QTMAN: variants seen among roughly 807,000 people sequenced by gnomAD.
QTMAN encodes tRNA-queuosine alpha-mannosyltransferase.
At chr2:144,217,137 T>C in the QTMAN span, among the ~76,000 whole-genome samples, 1 of 152,142 alleles carries the variant, frequency 6.6e-6, no homozygotes, top group Non-Finnish European at 1.5e-5. Context: ...CCTGACCCAT[T>C]CGGATACGAA....
At chr2:144,307,968 C>T in the QTMAN span, among the ~76,000 whole-genome samples, 2 of 151,756 alleles carry the variant, frequency 1.3e-5, no homozygotes, top group Non-Finnish European at 2.9e-5. Context: ...TAGAAATGTA[C>T]AAGCCGATTC....
chr2:144,323,579 T>C, the QTMAN span, among the ~76,000 whole-genome samples: 3 of 152,148 alleles, frequency 2.0e-5, no homozygotes, highest in African/African-American at 2.4e-5. Flanking sequence ...TTTTACCTCA[T>C]GGACACTCCT....
the QTMAN span, among the ~76,000 whole-genome samples, chr2:144,258,739 G>C: frequency 6.6e-6 from 1 of 151,980 alleles, no homozygotes. Context: ...ATCAAATTCA[G>C]CCAGCTAAGA....
chr2:144,270,124 T>C, the QTMAN span, among the ~76,000 whole-genome samples: 1 of 152,202 alleles, frequency 6.6e-6, no homozygotes, highest in Admixed American at 6.5e-5. Context: ...TATAGTAAAA[T>C]GTTGATTATC....
At chr2:144,086,040 C>T in the QTMAN span, among the ~76,000 whole-genome samples, 1 of 152,142 alleles carries the variant, frequency 6.6e-6, no homozygotes, top group Non-Finnish European at 1.5e-5. Context: ...CTGAGCATCA[C>T]ATACATTTAC....
chr2:144,174,603 C>T, the QTMAN span, among the ~76,000 whole-genome samples: 1 of 152,072 alleles, frequency 6.6e-6, no homozygotes, highest in Non-Finnish European at 1.5e-5. Context: ...TCCTATAATC[C>T]CCACGTGTTG....
At chr2:144,182,828 A>AATATATATATATTAT in the QTMAN span, among the ~76,000 whole-genome samples, 15 of 67,210 alleles carry the variant, frequency 2.2e-4, no homozygotes, top group Non-Finnish European at 3.9e-4. Flanking sequence ...TTATATATAT[A>AATATATATATATTAT]ATATATATAT....
chr2:144,055,390 TA>T, the QTMAN span, among the ~76,000 whole-genome samples: 1 of 149,444 alleles, frequency 6.7e-6, no homozygotes, highest in Admixed American at 6.7e-5. Flanking sequence ...TTTTACCTTC[TA>T]AAACGGATTC....
chr2:144,066,283 T>C, the QTMAN span, among the ~76,000 whole-genome samples: 1 of 152,164 alleles, frequency 6.6e-6, no homozygotes, highest in African/African-American at 2.4e-5. Context: ...TAGGATATCA[T>C]ATTGCTCAAT....
chr2:144,030,100 C>T, the QTMAN span, among the ~76,000 whole-genome samples: 25 of 152,170 alleles, frequency 1.6e-4, no homozygotes, highest in Admixed American at 3.3e-4. Context: ...ACACGGAAGA[C>T]AGTGTTTGGC....
chr2:144,256,492 T>C, the QTMAN span, among the ~76,000 whole-genome samples: 1 of 152,140 alleles, frequency 6.6e-6, no homozygotes, highest in African/African-American at 2.4e-5. Context: ...TAAAGACCTC[T>C]CAATATAAAA....
At chr2:144,097,118 T>C in the QTMAN span, among the ~76,000 whole-genome samples, 1 of 152,218 alleles carries the variant, frequency 6.6e-6, no homozygotes, top group East Asian at 1.9e-4. Context: ...TTTAGCCCTA[T>C]ACACACATAC....
At chr2:144,145,127 AAG>A in the QTMAN span, among the ~76,000 whole-genome samples, 1 of 151,042 alleles carries the variant, frequency 6.6e-6, no homozygotes. Flanking sequence ...AAAAAAAAAA[AAG>A]GCGGGGGAGA....
the QTMAN span, among the ~76,000 whole-genome samples, chr2:144,205,368 T>A: frequency 1.3e-5 from 2 of 152,086 alleles, no homozygotes; most frequent in Admixed American, 1.3e-4. Flanking sequence ...TAAGTAAAAT[T>A]TAAAATCAAA....
the QTMAN span, among the ~76,000 whole-genome samples, chr2:144,137,383 T>C: frequency 2.6e-3 from 397 of 152,250 alleles, 2 homozygotes; most frequent in South Asian, 0.018. Context: ...ATGTTTCTTT[T>C]TTTTTTAACT....
the QTMAN span, among the ~76,000 whole-genome samples, chr2:144,285,091 C>A: frequency 1.3e-5 from 2 of 150,836 alleles, no homozygotes; most frequent in African/African-American, 4.9e-5. Context: ...GGCAAAAGAG[C>A]GAGACCCTGT....
the QTMAN span, among the ~76,000 whole-genome samples, chr2:144,052,678 T>C: frequency 6.6e-6 from 1 of 152,140 alleles, no homozygotes. Flanking sequence ...TGAGATGGAG[T>C]TTCGCTTTTG....
the QTMAN span, among the ~76,000 whole-genome samples, chr2:144,289,797 A>G: frequency 3.9e-5 from 6 of 152,250 alleles, no homozygotes; most frequent in African/African-American, 1.2e-4. Context: ...ACTATGTGCT[A>G]TCTACAAGAG....
chr2:144,212,222 G>A, the QTMAN span, among the ~76,000 whole-genome samples: 1 of 152,220 alleles, frequency 6.6e-6, no homozygotes, highest in East Asian at 1.9e-4. Context: ...CAGCACGCTG[G>A]GAGGTTGAGG....
Sources: allele counts gnomAD v4.1 joint callset (sites outside exome capture counted in the v4.1 genomes callset), GRCh38; gene constraint gnomAD v4.1.1; transcripts MANE v1.5; gene names NCBI Gene and HGNC (gene_info 2026-07-23, HGNC 2026-07-21).